Variants in CYYR1 observed in about 807,000 individuals in gnomAD.
The protein encoded by CYYR1 is cysteine and tyrosine-rich protein 1.
In CYYR1, 14 loss-of-function variants were observed where a neutral mutation model predicts 15.2. The ratio of observed to expected loss-of-function variants is 0.92; its 90% confidence interval spans 0.61 to 1.44. The LOEUF (loss-of-function observed/expected upper bound fraction) is 1.44, where lower values mean the gene tolerates loss of function less well. Ranked by LOEUF, CYYR1 falls within the 40% of genes most tolerant of loss-of-function variation. The pLI is 0.00. For missense variants in CYYR1, 228 were observed against 209.5 expected (o/e 1.09, Z -0.54); for synonymous variants, 80 against 77.4 (o/e 1.03, Z -0.18).
intron 1 of CYYR1, among the ~76,000 whole-genome samples, chr21:26,567,267 A>T (rs1334413272): frequency 6.6e-6 from 1 of 152,222 alleles, no homozygotes; most frequent in Non-Finnish European, 1.5e-5. Flanking sequence ...ATGATTGGTT[A>T]TAGGAAGAAA....
intron 3 of CYYR1, 142 bp from the exon 4 acceptor site, chr21:26,468,776 T>A: frequency 1.6e-6 from 1 of 612,670 alleles, no homozygotes; most frequent in African/African-American, 1.8e-5. Flanking sequence ...CAGGACCACA[T>A]ATGTATGAAA....
intron 2 of CYYR1, among the ~76,000 whole-genome samples, chr21:26,556,206 T>G (rs1275508655): frequency 6.6e-6 from 1 of 152,216 alleles, no homozygotes; most frequent in Non-Finnish European, 1.5e-5. Flanking sequence ...GATGGTTTGA[T>G]TTTGCTAAGC....
At chr21:26,567,675 AATT>A (rs1414620030) in intron 1 of CYYR1, among the ~76,000 whole-genome samples, 31 of 152,182 alleles carry the variant, frequency 2.0e-4, no homozygotes, top group African/African-American at 7.2e-4. Context: ...AGGTAATATT[AATT>A]ATTATATAAA....
Position 26,573,178 on chromosome 21 carries a change from C to G in CYYR1, c.-238G>C, listed in dbSNP as rs1021868952. ...GCCCGAGACGGGCTGCGCTGGGGGC[C>G]CAGGTCTCTTTGTCTCGCCCCACTG... is the stretch of plus-strand genomic sequence containing the variant. On this transcript the variant is annotated 5_prime_UTR_variant, in exon 1 of 4. Coordinates refer to ENST00000652641, the MANE Select transcript of CYYR1 (RefSeq NM_001320768.2). 6.8e-7 allele frequency: 1 copy of G among 1,477,378 alleles called. No homozygotes were observed. Among genetic ancestry groups the G allele is most frequent in the African/African-American group, 1.4e-5 (1 of 69,968 alleles). The allele number at this position is 1,477,378 out of a possible 1,614,324, so 91.5% of individuals were successfully genotyped here.
At chr21:26,555,955 T>C (rs1979745632) in intron 2 of CYYR1, among the ~76,000 whole-genome samples, 1 of 152,178 alleles carries the variant, frequency 6.6e-6, no homozygotes, top group East Asian at 1.9e-4. Flanking sequence ...TTAACAGTCA[T>C]AGGCTGGCAG....
At chr21:26,530,480 T>C (rs535798781) in intron 2 of CYYR1, among the ~76,000 whole-genome samples, 26 of 152,276 alleles carry the variant, frequency 1.7e-4, no homozygotes, top group African/African-American at 5.8e-4. Context: ...TTTTTAATTA[T>C]ACTTTAAGTT....
At chr21:26,547,296 G>A (rs977450024) in intron 2 of CYYR1, among the ~76,000 whole-genome samples, 2 of 152,032 alleles carry the variant, frequency 1.3e-5, no homozygotes, top group Admixed American at 6.6e-5. Flanking sequence ...CTAAAGTCCA[G>A]ACTCGCCAAA....
intron 2 of CYYR1, among the ~76,000 whole-genome samples, chr21:26,493,958 CCTT>C (rs1329306707): frequency 1.3e-5 from 2 of 152,122 alleles, no homozygotes; most frequent in Admixed American, 6.6e-5. Context: ...TCTTAACTGT[CCTT>C]CTCTGAAACT....
intron 2 of CYYR1, among the ~76,000 whole-genome samples, chr21:26,504,536 A>T (rs1036663302): frequency 1.3e-5 from 2 of 152,112 alleles, no homozygotes; most frequent in Admixed American, 6.5e-5. Flanking sequence ...GTGAGTACAT[A>T]GTAGGTGTAT....
intron 1 of CYYR1, among the ~76,000 whole-genome samples, chr21:26,571,620 T>A (rs886312268): frequency 1.3e-5 from 2 of 152,224 alleles, no homozygotes; most frequent in African/African-American, 4.8e-5. Context: ...AAAAGCATAA[T>A]TACTTCGAAA....
chr21:26,564,272 A>G (rs1331485790), intron 2 of CYYR1, among the ~76,000 whole-genome samples: 3 of 152,132 alleles, frequency 2.0e-5, no homozygotes, highest in Non-Finnish European at 4.4e-5. Context: ...TCTTTTATCA[A>G]GTGGGAAAAC....
intron 3 of CYYR1, among the ~76,000 whole-genome samples, chr21:26,471,856 G>A (rs964340480): frequency 6.6e-6 from 1 of 151,960 alleles, no homozygotes; most frequent in Non-Finnish European, 1.5e-5. Context: ...ATTTAAGTAG[G>A]GTAAATAGGC....
At chr21:26,504,786 C>T (rs1003053132) in intron 2 of CYYR1, among the ~76,000 whole-genome samples, 2 of 152,136 alleles carry the variant, frequency 1.3e-5, no homozygotes, top group African/African-American at 4.8e-5. Context: ...CTTTAACCAT[C>T]CTCACCTCCA....
At chr21:26,545,567 CTTTTTT>C (rs770885517) in intron 2 of CYYR1, among the ~76,000 whole-genome samples, 6 of 73,748 alleles carry the variant, frequency 8.1e-5, no homozygotes, top group East Asian at 4.8e-4. Flanking sequence ...GATGCTTATT[CTTTTTT>C]TTTTTTTTTT....
chr21:26,480,505 T>A, intron 2 of CYYR1, 76 bp from the exon 3 acceptor site: 1 of 1,404,380 alleles, frequency 7.1e-7, no homozygotes, highest in Non-Finnish European at 9.6e-7. Context: ...GCTCCATGAT[T>A]ATAGGACAAG....
chr21:26,520,113 G>GATAGATATATATATAGATATAT (rs1323824516), intron 2 of CYYR1, among the ~76,000 whole-genome samples: 1 of 120,670 alleles, frequency 8.3e-6, no homozygotes, highest in African/African-American at 3.4e-5. Flanking sequence ...AAACCCAGGA[G>GATAGATATATATATAGATATAT]ATATATATAT....
At chr21:26,488,011 A>T (rs1442219613) in intron 2 of CYYR1, among the ~76,000 whole-genome samples, 1 of 151,094 alleles carries the variant, frequency 6.6e-6, no homozygotes, top group Non-Finnish European at 1.5e-5. Context: ...TCCCCTTAAT[A>T]ACTTCACTCA....
intron 2 of CYYR1, among the ~76,000 whole-genome samples, chr21:26,519,392 A>G (rs2065774161): frequency 6.6e-6 from 1 of 152,204 alleles, no homozygotes; most frequent in African/African-American, 2.4e-5. Context: ...CCAAAGAGAC[A>G]TCTGGGTAAC....
At chr21:26,562,471 C>A (rs1299124512) in intron 2 of CYYR1, among the ~76,000 whole-genome samples, 1 of 152,096 alleles carries the variant, frequency 6.6e-6, no homozygotes, top group Non-Finnish European at 1.5e-5. Context: ...AAAAGCACAT[C>A]ATTAAAGGAT....
Sources: gnomAD v4.1 joint callset for allele counts (sites outside exome capture counted in the v4.1 genomes callset) on GRCh38, gnomAD v4.1.1 for gene constraint, MANE v1.5 for transcripts, NCBI Gene and HGNC (gene_info 2026-07-23, HGNC 2026-07-21) for gene names.